NECTIN2: variants seen among roughly 807,000 people sequenced by gnomAD.
NECTIN2 encodes the protein nectin-2.
Under a neutral mutation model 56.9 loss-of-function variants are expected in NECTIN2, and 23 were observed. That is an observed-to-expected ratio of 0.40 (90% CI 0.29 to 0.57). The LOEUF (loss-of-function observed/expected upper bound fraction) is 0.57. NECTIN2 is among the 20% of genes least tolerant of loss of function. The pLI, the probability that NECTIN2 is intolerant of heterozygous loss-of-function variation, is 0.38. For synonymous variants in NECTIN2, 302 were observed against 313.8 expected, an observed-to-expected ratio of 0.96 and a Z score of 0.40; for missense variants, 587 against 718.3, an observed-to-expected ratio of 0.82 and a Z score of 2.09.
chr19:44,878,474 G>A (rs1969268733), intron 5 of NECTIN2: 6 of 1,612,326 alleles, frequency 3.7e-6, no homozygotes, highest in Non-Finnish European at 5.1e-6. Context: ...TGGTCCCATG[G>A]AACCAGATGG....
In NECTIN2 at chr19:44,875,156, A is replaced by G. The variant is rs1969221871; in HGVS notation, c.1042+678A>G. Among the ~76,000 whole-genome samples, 1 of 152,148 alleles carries G rather than the reference A, an allele frequency of 6.6e-6. No homozygotes were observed. Reference sequence around the variant, plus strand: ...CATCAGAATCCAGACACTCACCTGGATGGTAACCCTGCACGCTCAAACCCA... The same window carrying G: ...CATCAGAATCCAGACACTCACCTGGGTGGTAACCCTGCACGCTCAAACCCA... On this transcript the variant is annotated intron_variant, in intron 5 of 8. Transcript: ENST00000252483. This position sits in a 1 kb window ranked among gnomAD's most constrained non-coding sequence, Gnocchi z 4.2.
Position 44,871,920 on chromosome 19 carries a change from C to T in NECTIN2, c.546C>T (p.Leu182=). Residue 182 remains leucine (L), a synonymous_variant, in exon 3 of 9, where the codon CTC becomes CTT. Coordinates refer to ENST00000252483, the MANE Select transcript of NECTIN2 (RefSeq NM_001042724.2). ...TFSQDPTTVA[L]CISKEGRPPA... ...GCCAGGACCCTACGACAGTGGCCCT[C>T]TGCATCTCCAAAGAGGGCCGCCCAC... 3 of 1,614,182 alleles carry T rather than the reference C, an allele frequency of 1.9e-6. No individual in the cohort carries two copies. Among genetic ancestry groups the T allele is most frequent in the African/African-American group, 1.3e-5 (1 of 75,044 alleles).
intron 6 of NECTIN2, among the ~76,000 whole-genome samples, chr19:44,883,027 C>A (rs1240922127): frequency 6.6e-6 from 1 of 152,094 alleles, no homozygotes; most frequent in African/African-American, 2.4e-5. Context: ...GGGATCCCCC[C>A]TCCTCAGACT....
rs1265032061 is a variant in NECTIN2 at position 44,865,389 on chromosome 19, C to G, written c.207C>G (p.Thr69=). 3.1e-6 allele frequency: 5 copies of G among 1,614,086 alleles called. No individual in the cohort carries two copies. In the East Asian group the frequency reaches 8.9e-5, roughly 29 times the overall value. Reference sequence around the variant, plus strand: ...CTGGACTGTACATCTCCCTGGTGACCTGGCAGCGCCCAGATGCACCTGCGA... The same window carrying G: ...CTGGACTGTACATCTCCCTGGTGACGTGGCAGCGCCCAGATGCACCTGCGA... ...PVPGLYISLV[T]WQRPDAPANH... is the part of the protein sequence containing the mutation. Residue 69 remains threonine, a synonymous_variant, in exon 2 of 9, where the codon ACC becomes ACG. Transcript: ENST00000252483. This position sits in a 1 kb window ranked among gnomAD's most constrained non-coding sequence, Gnocchi z 5.2.
In NECTIN2 at chr19:44,874,616, A is replaced by C; in HGVS notation, c.1042+138A>C. ...TGCAGACCTGCCTGGCTGAGGGGAG[A>C]TGAGGGTTGGCCTTCCCCTCGTGGC... On this transcript the variant is annotated intron_variant, in intron 5 of 8. Coordinates refer to ENST00000252483, the MANE Select transcript of NECTIN2 (RefSeq NM_001042724.2). The surrounding 1 kb of genome is among the most constrained non-coding windows in gnomAD (Gnocchi z 6.3). The C allele has an allele frequency of 8.8e-7, 1 of 1,136,128 alleles. No homozygotes were observed. The highest frequency in any genetic ancestry group is 1.4e-5 in the South Asian group (1 of 69,084). 70.4% of individuals were successfully genotyped at this position (1,136,128 alleles called of 1,614,324 possible). A position where few individuals can be genotyped will look rare whatever the true frequency, so the allele number is the denominator to read the frequency against.
chr19:44,862,391 G>GGC (rs1212069767), intron 1 of NECTIN2, among the ~76,000 whole-genome samples: 1 of 151,264 alleles, frequency 6.6e-6, no homozygotes, highest in Admixed American at 6.6e-5. Flanking sequence ...CTCAGGCCTG[G>GGC]GCAAAAGAGT....
At position 44,846,380 on chromosome 19, in the gene NECTIN2, C is replaced by A; in HGVS notation, c.-146C>A. The A allele has an allele frequency of 9.7e-7, 1 of 1,028,818 alleles. No homozygotes were observed. The highest frequency in any genetic ancestry group is 1.3e-6 in the Non-Finnish European group (1 of 769,744). 63.7% of individuals were successfully genotyped at this position (1,028,818 alleles called of 1,614,324 possible). ...GGCGGGGAGAGCTGGGCCGGGAGAG[C>A]AGAACAGGGAGGCTAGAGCGCAGCG... On this transcript the variant is annotated 5_prime_UTR_variant, in exon 1 of 9. Transcript: ENST00000252483.
At chr19:44,853,574 C>T (rs1340783400) in intron 1 of NECTIN2, among the ~76,000 whole-genome samples, 2 of 150,522 alleles carry the variant, frequency 1.3e-5, no homozygotes, top group Non-Finnish European at 3.0e-5. Context: ...CTACAACCTC[C>T]GCCTGCTAGG....
intron 8 of NECTIN2, among the ~76,000 whole-genome samples, chr19:44,886,738 C>T (rs934455494): frequency 4.0e-5 from 6 of 150,594 alleles, no homozygotes; most frequent in Admixed American, 4.0e-4. Flanking sequence ...ATAAATAAAA[C>T]CAAATAAATA....
chr19:44,853,788 T>C (rs1968930886), intron 1 of NECTIN2, among the ~76,000 whole-genome samples: 1 of 152,078 alleles, frequency 6.6e-6, no homozygotes. Context: ...CGCCCAGGGA[T>C]TTTAGAACCT....
At chr19:44,878,949 C>A in intron 5 of NECTIN2, 1 of 1,105,866 alleles carries the variant, frequency 9.0e-7, no homozygotes, top group Non-Finnish European at 1.1e-6. Flanking sequence ...TCAGGGGTGT[C>A]TTGTAATACA....
intron 8 of NECTIN2, among the ~76,000 whole-genome samples, chr19:44,886,763 G>A (rs562297567): frequency 2.1e-4 from 32 of 151,892 alleles, no homozygotes; most frequent in African/African-American, 7.7e-4. Flanking sequence ...CACCTGGGCC[G>A]GGCATGGTGG....
Position 44,865,592 on chromosome 19 carries a change from A to G in NECTIN2, c.410A>G (p.Asn137Ser), listed in dbSNP as rs112242375. 6.5e-7 allele frequency: 1 copy of G among 1,544,508 alleles called. No individual in the cohort carries two copies. The highest frequency in any genetic ancestry group is 8.7e-7 in the Non-Finnish European group (1 of 1,147,762). Residue 137 changes from asparagine to serine, a missense_variant, in exon 2 of 9, where the codon AAC (asparagine) becomes AGC (serine). Transcript: ENST00000252483. This position sits in a 1 kb window ranked among gnomAD's most constrained non-coding sequence, Gnocchi z 5.2. ...GGGCTCACGGTGGAGGACGAGGGCA[A>G]CTACACTTGCGAGTTTGCCACCTTC... ...LHGLTVEDEGNYTCEFATFPK... is the reference protein window; with the variant it reads ...LHGLTVEDEGSYTCEFATFPK...
Position 44,874,980 on chromosome 19 carries a change from G to A in NECTIN2, c.1042+502G>A, listed in dbSNP as rs1042782646. On this transcript the variant is annotated intron_variant, in intron 5 of 8. Transcript: ENST00000252483. This position sits in a 1 kb window ranked among gnomAD's most constrained non-coding sequence, Gnocchi z 6.3. ...CTGCAGGGCCACACACCTAGAGCGC[G>A]GCCGGGACTGTTAACAGAGCCATGC... Among the ~76,000 whole-genome samples, 4 of 152,176 alleles carry A rather than the reference G, an allele frequency of 2.6e-5. No individual in the cohort carries two copies. The highest frequency in any genetic ancestry group is 2.1e-4 in the South Asian group (1 of 4,828).
At chr19:44,851,988 C>T (rs1968904524) in intron 1 of NECTIN2, among the ~76,000 whole-genome samples, 1 of 152,234 alleles carries the variant, frequency 6.6e-6, no homozygotes, top group Non-Finnish European at 1.5e-5. Context: ...CACCGCTGGT[C>T]CTGCTTTCCC....
chr19:44,855,196 C>A (rs1180861088), intron 1 of NECTIN2, among the ~76,000 whole-genome samples: 1 of 150,644 alleles, frequency 6.6e-6, no homozygotes, highest in African/African-American at 2.4e-5. Flanking sequence ...GAGGCCGAGG[C>A]GGGCAGATCA....
intron 1 of NECTIN2, among the ~76,000 whole-genome samples, chr19:44,853,175 A>C (rs1180615442): frequency 2.6e-5 from 4 of 151,726 alleles, no homozygotes; most frequent in Non-Finnish European, 5.9e-5. Flanking sequence ...GGAATTAGAA[A>C]TTCAGAATGG....
rs3112437 is a variant in NECTIN2 at position 44,847,649 on chromosome 19, C to T, written c.88+1036C>T. ...GAGGCTGGGAGACTCCTCCCTTTCC[C>T]TATGAATGGTCGGGGGCGACGGAGA... On this transcript the variant is annotated intron_variant, in intron 1 of 8. Coordinates refer to ENST00000252483, the MANE Select transcript of NECTIN2 (RefSeq NM_001042724.2). Among the ~76,000 whole-genome samples the T allele has an allele frequency of 8.2e-3, 1,253 of 152,274 alleles. 19 individuals carry two copies. The highest frequency in any genetic ancestry group is 0.029 in the African/African-American group (1,195 of 41,558).
chr19:44,865,256 G>T lies in NECTIN2; in HGVS notation c.89-15G>T. On this transcript the variant is annotated splice_polypyrimidine_tract_variant and intron_variant, in intron 1 of 8. Transcript: ENST00000252483. The surrounding 1 kb of genome is among the most constrained non-coding windows in gnomAD (Gnocchi z 5.2). ...CCCCCACCCGACTACTTCACTCTCT[G>T]TCCTCTCTGCCCAGGAGCCCAGGAT... 1 of 1,596,972 alleles carries T rather than the reference G, an allele frequency of 6.3e-7. No individual in the cohort carries two copies. Among genetic ancestry groups the T allele is most frequent in the Non-Finnish European group, 8.6e-7 (1 of 1,169,538 alleles).
Sources: allele counts gnomAD v4.1 joint callset (sites outside exome capture counted in the v4.1 genomes callset), GRCh38; gene constraint gnomAD v4.1.1; non-coding constraint Gnocchi (gnomAD v3.1); transcripts MANE v1.5; gene names NCBI Gene and HGNC (gene_info 2026-07-23, HGNC 2026-07-21).